Variants in BRWD3 observed in about 807,000 individuals in gnomAD.
The protein encoded by BRWD3 is bromodomain and WD repeat-containing protein 3.
A neutral mutation model predicts 149.7 loss-of-function variants in BRWD3; 10 were observed. The ratio of observed to expected loss-of-function variants is 0.07; its 90% confidence interval spans 0.04 to 0.11. The LOEUF (loss-of-function observed/expected upper bound fraction) is 0.11. Among genes scored for constraint, BRWD3 ranks in the 10% least tolerant of loss-of-function variants. The probability of loss-of-function intolerance (pLI) is 1.00; values close to 1 mark genes in which losing one functional copy is unlikely to be tolerated. For synonymous variants in BRWD3, 504 were observed against 456.7 expected, an observed-to-expected ratio of 1.10 and a Z score of -1.32; for missense variants, 940 against 1,373.2, an observed-to-expected ratio of 0.68 and a Z score of 4.99.
At chrX:80,798,964 G>A (rs1484411750) in intron 4 of BRWD3, among the ~76,000 whole-genome samples, 3 of 111,912 alleles carry the variant, frequency 2.7e-5, no homozygotes, top group Non-Finnish European at 1.9e-5. Context: ...ACAGGAATCT[G>A]GGTTTCTCTG....
At chrX:80,798,595 T>C (rs1188107257) in intron 4 of BRWD3, among the ~76,000 whole-genome samples, 4 of 107,268 alleles carry the variant, frequency 3.7e-5, no homozygotes, top group Non-Finnish European at 7.7e-5. Flanking sequence ...AAACATTCTC[T>C]ATAAACAAAG....
chrX:80,731,519 A>C (rs1318563983), intron 12 of BRWD3, among the ~76,000 whole-genome samples: 1 of 111,471 alleles, frequency 9.0e-6, no homozygotes, highest in South Asian at 3.8e-4. Flanking sequence ...TTTACTCTCA[A>C]ATTGGACAAA....
chrX:80,724,028 A>T (rs2073186678), intron 15 of BRWD3, 152 bp from the exon 16 acceptor site: 1 of 637,804 alleles, frequency 1.6e-6, no homozygotes, highest in African/African-American at 2.2e-5. Context: ...CTACTGATAC[A>T]GTAAATCCCT....
At chrX:80,712,573 T>A (rs376137184) in intron 20 of BRWD3, among the ~76,000 whole-genome samples, 3 of 107,967 alleles carry the variant, frequency 2.8e-5, no homozygotes, top group Admixed American at 9.7e-5. Flanking sequence ...GCCGCCACCC[T>A]GTCTGGGAAG....
Position 80,793,633 on chromosome X carries a change from C to T in BRWD3, c.320G>A (p.Arg107Gln). The T allele has an allele frequency of 8.3e-7, 1 of 1,210,576 alleles. No individual in the cohort carries two copies. Among genetic ancestry groups the T allele is most frequent in the Non-Finnish European group, 1.1e-6 (1 of 894,815 alleles). Residue 107 changes from arginine (R) to glutamine (Q), a missense_variant, in exon 5 of 41, where the codon CGG (arginine) becomes CAG (glutamine). By Grantham distance (43) the Arg-to-Gln change is conservative. This residue lies in a region of BRWD3 where 105 missense variants were observed against 127.7 expected (regional missense o/e 0.82). Transcript: ENST00000373275. ...LLGVGRQSLL[R>Q]DAKDCKSTLW... ...TCTGAAAATCTCACCTTTGGCATCC[C>T]GTAGCAGAGACTGCCGACCAACACC...
intron 12 of BRWD3, 198 bp downstream of exon 12, chrX:80,733,258 C>T (rs185435732): frequency 1.4e-5 from 5 of 356,950 alleles, no homozygotes; most frequent in African/African-American, 1.1e-4. Flanking sequence ...TCAGAAAGGA[C>T]GACCTGATAG....
chrX:80,800,383 A>C (rs1282723427), intron 4 of BRWD3, among the ~76,000 whole-genome samples: 1 of 107,297 alleles, frequency 9.3e-6, no homozygotes, highest in Non-Finnish European at 1.9e-5. Flanking sequence ...CTCTATAAAA[A>C]GTAAAATTAT....
rs1358603704 is a variant in BRWD3, at chrX:80,671,175, G to T, written c.*5434C>A. On this transcript the variant is annotated 3_prime_UTR_variant, in exon 41 of 41. Coordinates refer to ENST00000373275, the MANE Select transcript of BRWD3 (RefSeq NM_153252.5). ...AGTTGTAAGTCATAAATATGTTAGAGATCTATTCATTTTGAAAAGCTCTGC... is the reference window on the plus strand; with the variant it reads ...AGTTGTAAGTCATAAATATGTTAGATATCTATTCATTTTGAAAAGCTCTGC... 9.0e-6 allele frequency: 1 copy of T among 111,672 alleles called. No individual in the cohort carries two copies. The highest frequency in any genetic ancestry group is 9.5e-5 in the Admixed American group (1 of 10,484). The allele number at this position is 111,672 out of a possible 1,213,427, so 9.2% of individuals were successfully genotyped here. A position where few individuals can be genotyped will look rare whatever the true frequency, so the allele number is the denominator to read the frequency against.
chrX:80,671,763 G>C lies in BRWD3; in HGVS notation c.*4846C>G, dbSNP rs2072324921. On this transcript the variant is annotated 3_prime_UTR_variant, in exon 41 of 41. Coordinates refer to ENST00000373275, the MANE Select transcript of BRWD3 (RefSeq NM_153252.5). Reference sequence around the variant, plus strand: ...TACAATATCATATCAACTATGAACTGATTTTCCATCTTAAAATGTATGGAT... The same window carrying C: ...TACAATATCATATCAACTATGAACTCATTTTCCATCTTAAAATGTATGGAT... 1 of 111,426 alleles carries C rather than the reference G, an allele frequency of 9.0e-6. No individual in the cohort carries two copies. The highest frequency in any genetic ancestry group is 3.3e-5 in the African/African-American group (1 of 30,671). 9.2% of individuals were successfully genotyped at this position (111,426 alleles called of 1,213,427 possible).
At chrX:80,681,734 G>A (rs1309872663) in intron 39 of BRWD3, among the ~76,000 whole-genome samples, 2 of 111,469 alleles carry the variant, frequency 1.8e-5, no homozygotes, top group East Asian at 5.6e-4. Context: ...GTAGATAAGT[G>A]CTCTGAGATA....
In BRWD3 at chrX:80,716,215, A is replaced by G; in HGVS notation, c.2267T>C (p.Ile756Thr). 5.0e-6 allele frequency: 6 copies of G among 1,210,336 alleles called. No individual in the cohort carries two copies. Among genetic ancestry groups the G allele is most frequent in the Non-Finnish European group, 6.7e-6 (6 of 894,427 alleles). The change falls in exon 20 of 41, where the codon ATA becomes ACA. Residue 756 changes from isoleucine to threonine, a missense_variant. Transcript: ENST00000373275. Reference sequence around the variant, plus strand: ...TTCAACTGTATAAAGACTGATTTCTATGTCACCTTTTGCAGTTCGACATTC... The same window carrying G: ...TTCAACTGTATAAAGACTGATTTCTGTGTCACCTTTTGCAGTTCGACATTC... ...QEECRTAKGD[I>T]EISLYTVEKK...
At chrX:80,730,103 C>T in intron 12 of BRWD3, 83 bp from the exon 13 acceptor site, 2 of 616,103 alleles carry the variant, frequency 3.2e-6, no homozygotes, top group Admixed American at 2.6e-5. Flanking sequence ...CACATTAGCC[C>T]TCACATACTA....
intron 40 of BRWD3, among the ~76,000 whole-genome samples, chrX:80,679,613 A>G (rs1021600516): frequency 3.6e-5 from 4 of 111,501 alleles, no homozygotes; most frequent in African/African-American, 1.3e-4. Context: ...GCAAATACAG[A>G]GCAGTAGAGT....
At chrX:80,714,387 A>G (rs1218235258) in intron 20 of BRWD3, among the ~76,000 whole-genome samples, 2 of 108,782 alleles carry the variant, frequency 1.8e-5, no homozygotes, top group Non-Finnish European at 3.8e-5. Flanking sequence ...ATGCACCACC[A>G]CACCTGGCTA....
intron 4 of BRWD3, among the ~76,000 whole-genome samples, chrX:80,795,740 C>T (rs2074232117): frequency 9.2e-6 from 1 of 108,295 alleles, no homozygotes; most frequent in Non-Finnish European, 1.9e-5. Flanking sequence ...AATTATGGCT[C>T]TGAATGAAAA....
In BRWD3 at chrX:80,734,141, T is replaced by A; in HGVS notation, c.1063A>T (p.Ile355Phe). ...YYLGSEVPEKIAELESHTDKV... is the reference protein window; with the variant it reads ...YYLGSEVPEKFAELESHTDKV... ...ACCGTATGTGACTCTAATTCAGCAA[T>A]TTTCTCAGGAACCTCAGAACCCAAA... Residue 355 changes from isoleucine (I) to phenylalanine (F), a missense_variant, in exon 11 of 41, where the codon ATT (isoleucine) becomes TTT (phenylalanine). By Grantham distance (21) the Ile-to-Phe change is conservative. This residue lies in a region of BRWD3 where 209 missense variants were observed against 396.8 expected (regional missense o/e 0.53). Coordinates refer to ENST00000373275, the MANE Select transcript of BRWD3 (RefSeq NM_153252.5). The A allele has an allele frequency of 8.3e-7, 1 of 1,200,111 alleles. No individual in the cohort carries two copies. The highest frequency in any genetic ancestry group is 1.1e-6 in the Non-Finnish European group (1 of 885,137).
chrX:80,744,241 A>G lies in BRWD3; in HGVS notation c.604T>C (p.Cys202Arg). 1 of 1,203,982 alleles carries G rather than the reference A, an allele frequency of 8.3e-7. No homozygotes were observed. The highest frequency in any genetic ancestry group is 1.7e-5 in the African/African-American group (1 of 57,750). ...TCTGTAGCCCAAATTTTTACTAAACAGTCATCTGAACCCTATAGTAACAAA... is the reference window on the plus strand; with the variant it reads ...TCTGTAGCCCAAATTTTTACTAAACGGTCATCTGAACCCTATAGTAACAAA... ...GRRIFTGSDD[C>R]LVKIWATDDG... The change falls in exon 8 of 41, where the codon TGT becomes CGT. Residue 202 changes from cysteine to arginine, a missense_variant. Cys to Arg is a radical substitution (Grantham distance 180). Around this residue, in one of 6 missense-constraint regions of BRWD3, gnomAD observed 209 missense variants for 396.8 expected, o/e 0.53. Coordinates refer to ENST00000373275, the MANE Select transcript of BRWD3 (RefSeq NM_153252.5).
chrX:80,703,552 T>C lies in BRWD3; in HGVS notation c.2763A>G (p.Glu921=). The stretch of plus-strand genomic sequence containing the variant: ...CCAAGATCCACTGAGGGGCAAACCA[T>C]TCTTCATTAGGCTCACCTGCTATAG... ...LVSIAGEPNE[E]WFAPQWILDT... is the part of the protein sequence containing the mutation. The change falls in exon 24 of 41, where the codon GAA becomes GAG. Residue 921 remains glutamate, a synonymous_variant. Coordinates refer to ENST00000373275, the MANE Select transcript of BRWD3 (RefSeq NM_153252.5). The C allele has an allele frequency of 8.3e-7, 1 of 1,207,922 alleles. No individual in the cohort carries two copies. Among genetic ancestry groups the C allele is most frequent in the African/African-American group, 1.7e-5 (1 of 57,611 alleles).
At chrX:80,713,561 C>G (rs868348529) in intron 20 of BRWD3, among the ~76,000 whole-genome samples, 65 of 109,548 alleles carry the variant, frequency 5.9e-4, no homozygotes, top group Non-Finnish European at 1.1e-3. Context: ...TGCGGAAGGC[C>G]GCAGGGTCCT....
Sources: allele counts gnomAD v4.1 joint callset (sites outside exome capture counted in the v4.1 genomes callset), GRCh38; gene constraint gnomAD v4.1.1; regional missense constraint gnomAD v4.1.1; transcripts MANE v1.5; gene names NCBI Gene and HGNC (gene_info 2026-07-23, HGNC 2026-07-21).